CDYL2: variants seen among roughly 807,000 people sequenced by gnomAD.
CDYL2 encodes the protein chromodomain Y-like protein 2.
A neutral mutation model predicts 49.4 loss-of-function variants in CDYL2; 23 were observed. The ratio of observed to expected loss-of-function variants is 0.47; its 90% CI spans 0.34 to 0.66. CDYL2 has a LOEUF of 0.66. Ranked by LOEUF, CDYL2 falls within the 30% of genes least tolerant of loss-of-function variation. The pLI is 0.01. For synonymous variants in CDYL2, 360 were observed against 268.8 expected (o/e 1.34, Z -3.32); for missense variants, 678 against 656.4 (o/e 1.03, Z -0.36).
intron 2 of CDYL2, among the ~76,000 whole-genome samples, chr16:80,672,964 C>T (rs1909591603): frequency 6.6e-6 from 1 of 152,136 alleles, no homozygotes; most frequent in Admixed American, 6.5e-5. Flanking sequence ...AGAAATGCAT[C>T]CTAGGATTAG....
chr16:80,682,459 T>A (rs1910004745), intron 2 of CDYL2, among the ~76,000 whole-genome samples: 1 of 152,070 alleles, frequency 6.6e-6, no homozygotes, highest in African/African-American at 2.4e-5. Flanking sequence ...AGCCGAAGGG[T>A]GAAGAGCACA....
intron 1 of CDYL2, among the ~76,000 whole-genome samples, chr16:80,749,230 A>T (rs1410439152): frequency 6.6e-6 from 1 of 152,254 alleles, no homozygotes; most frequent in East Asian, 1.9e-4. Context: ...AACAGAACAC[A>T]ACTGAATACC....
chr16:80,800,638 G>A (rs1002657626), intron 1 of CDYL2, among the ~76,000 whole-genome samples: 3 of 152,058 alleles, frequency 2.0e-5, no homozygotes, highest in Non-Finnish European at 2.9e-5. Context: ...CCCTACACAC[G>A]GTTTTACCAC....
At chr16:80,709,708 C>T (rs1383064053) in intron 1 of CDYL2, among the ~76,000 whole-genome samples, 1 of 152,090 alleles carries the variant, frequency 6.6e-6, no homozygotes, top group Non-Finnish European at 1.5e-5. Context: ...ATTACTAGCC[C>T]TTCTCACATC....
At chr16:80,747,279 G>C (rs1413644256) in intron 1 of CDYL2, among the ~76,000 whole-genome samples, 1 of 152,104 alleles carries the variant, frequency 6.6e-6, no homozygotes, top group Non-Finnish European at 1.5e-5. Flanking sequence ...CATCTGAAGA[G>C]TCTGGGTTCA....
chr16:80,715,536 T>A (rs906129413), intron 1 of CDYL2, among the ~76,000 whole-genome samples: 3 of 152,092 alleles, frequency 2.0e-5, no homozygotes, highest in Non-Finnish European at 4.4e-5. Context: ...GGACACCAGC[T>A]CTCATAGCAG....
At position 80,600,297 on chromosome 16, in the gene CDYL2, T is replaced by A. The variant is rs898835673; in HGVS notation, c.*4091A>T. The A allele has an allele frequency of 6.6e-6, 1 of 152,216 alleles. No individual in the cohort carries two copies. The highest frequency in any genetic ancestry group is 1.9e-4 in the East Asian group (1 of 5,202). 9.4% of individuals were successfully genotyped at this position (152,216 alleles called of 1,614,324 possible). On this transcript the variant is annotated 3_prime_UTR_variant, in exon 7 of 7. Transcript: ENST00000570137. ...CTATTTTTCAAAAGAACAAGTGATATTAATGAAAAATATTGCCTAAAACGC... is the reference window on the plus strand; with the variant it reads ...CTATTTTTCAAAAGAACAAGTGATAATAATGAAAAATATTGCCTAAAACGC...
intron 1 of CDYL2, among the ~76,000 whole-genome samples, chr16:80,802,447 A>G (rs758144027): frequency 5.9e-5 from 9 of 152,210 alleles, no homozygotes; most frequent in East Asian, 3.9e-4. Flanking sequence ...CTGTGCTTCA[A>G]TTTTCAATTT....
At chr16:80,750,090 T>TG (rs1906079329) in intron 1 of CDYL2, among the ~76,000 whole-genome samples, 1 of 117,342 alleles carries the variant, frequency 8.5e-6, no homozygotes, top group Non-Finnish European at 1.7e-5. Context: ...TGTTGTGGGG[T>TG]GGGGGGATGG....
rs115392612 is a variant in CDYL2, at chr16:80,784,913, C to A, written c.24+19237G>T. On this transcript the variant is annotated intron_variant, in intron 1 of 6. Coordinates refer to ENST00000570137, the MANE Select transcript of CDYL2 (RefSeq NM_152342.4). ...TTTAGGGCTCAAAAGGGTAAGAGGA[C>A]ACCAGGCAGGGCCAGAAGAGACAGC... 5.8e-3 allele frequency among the ~76,000 whole-genome samples: 882 copies of A among 152,168 alleles called. 13 individuals carry two copies. Among genetic ancestry groups the A allele is most frequent in the African/African-American group, 0.02 (843 of 41,520 alleles).
At chr16:80,682,327 G>A (rs1909999422) in intron 2 of CDYL2, among the ~76,000 whole-genome samples, 1 of 152,212 alleles carries the variant, frequency 6.6e-6, no homozygotes, top group African/African-American at 2.4e-5. Context: ...GAAAGGTCTA[G>A]AATAGCATTT....
At position 80,602,562 on chromosome 16, in the gene CDYL2, C is replaced by T. The variant is rs1041286885; in HGVS notation, c.*1826G>A. 10 of 152,348 alleles carry T rather than the reference C, an allele frequency of 6.6e-5. No individual in the cohort carries two copies. Among genetic ancestry groups the T allele is most frequent in the African/African-American group, 2.2e-4 (9 of 41,448 alleles). 9.4% of individuals were successfully genotyped at this position (152,348 alleles called of 1,614,324 possible). ...ACGAATACATTCCACCTGCCCTGCC[C>T]AGTGCACCTGATTGCCAGGAAAAGA... On this transcript the variant is annotated 3_prime_UTR_variant, in exon 7 of 7. Transcript: ENST00000570137.
chr16:80,770,839 T>C (rs1906881695), intron 1 of CDYL2, among the ~76,000 whole-genome samples: 1 of 151,898 alleles, frequency 6.6e-6, no homozygotes, highest in Admixed American at 6.6e-5. Flanking sequence ...CTTAAAAAAG[T>C]AAAATAGAGG....
rs116665725 is a variant in CDYL2, at chr16:80,712,595, G to C, written c.25-27466C>G. Reference sequence around the variant, plus strand: ...ACCGTGTGGGAGAAGTGGGTGGCTGGAGGCAGAAAGAAGGTGGACTCCATA... The same window carrying C: ...ACCGTGTGGGAGAAGTGGGTGGCTGCAGGCAGAAAGAAGGTGGACTCCATA... On this transcript the variant is annotated intron_variant, in intron 1 of 6. Transcript: ENST00000570137. Among the ~76,000 whole-genome samples, 740 of 152,180 alleles carry C rather than the reference G, an allele frequency of 4.9e-3. 9 individuals carry two copies. Among genetic ancestry groups the C allele is most frequent in the African/African-American group, 0.017 (705 of 41,508 alleles).
chr16:80,763,152 T>A (rs962360150), intron 1 of CDYL2, among the ~76,000 whole-genome samples: 1 of 149,266 alleles, frequency 6.7e-6, no homozygotes, highest in African/African-American at 2.5e-5. Context: ...GGAACCTAAC[T>A]AATCCTGTAT....
At chr16:80,727,081 A>G (rs997835555) in intron 1 of CDYL2, among the ~76,000 whole-genome samples, 1 of 152,194 alleles carries the variant, frequency 6.6e-6, no homozygotes, top group Admixed American at 6.5e-5. Flanking sequence ...AAAAGAAAAA[A>G]AAGTTCTGGG....
At chr16:80,626,274 CT>C (rs1907295510) in intron 3 of CDYL2, among the ~76,000 whole-genome samples, 2 of 66,046 alleles carry the variant, frequency 3.0e-5, no homozygotes, top group South Asian at 4.5e-4. Flanking sequence ...GAAATCCCAT[CT>C]AAAAAAAAAA....
chr16:80,729,597 A>T (rs993274042), intron 1 of CDYL2, among the ~76,000 whole-genome samples: 1 of 152,108 alleles, frequency 6.6e-6, no homozygotes, highest in Non-Finnish European at 1.5e-5. Flanking sequence ...TGCACCAAGC[A>T]GACCTAATAC....
At chr16:80,720,716 G>T (rs192356017) in intron 1 of CDYL2, among the ~76,000 whole-genome samples, 27 of 152,290 alleles carry the variant, frequency 1.8e-4, no homozygotes, top group Admixed American at 8.5e-4. Context: ...AGTGTAGGCA[G>T]CAGCTGATAA....
Sources: gnomAD v4.1 joint callset for allele counts (sites outside exome capture counted in the v4.1 genomes callset) on GRCh38, gnomAD v4.1.1 for gene constraint, MANE v1.5 for transcripts, NCBI Gene and HGNC (gene_info 2026-07-23, HGNC 2026-07-21) for gene names.